Variants in BIRC6 observed in about 807,000 individuals in gnomAD.
The protein encoded by BIRC6 is dual E2 ubiquitin-conjugating enzyme/E3 ubiquitin-protein ligase BIRC6.
In BIRC6, 98 loss-of-function variants were observed where a neutral mutation model predicts 503.3. The ratio of observed to expected loss-of-function variants is 0.19; its 90% CI spans 0.17 to 0.23. The LOEUF is 0.23. Among genes scored for constraint, BIRC6 ranks in the 10% least tolerant of loss-of-function variants. The probability of loss-of-function intolerance (pLI) is 1.00; values close to 1 mark genes in which losing one functional copy is unlikely to be tolerated. For synonymous variants in BIRC6, 2,240 were observed against 2,078.7 expected, an observed-to-expected ratio of 1.08 and a Z score of -2.11; for missense variants, 5,360 against 5,806.0, an observed-to-expected ratio of 0.92 and a Z score of 2.50.
intron 9 of BIRC6, among the ~76,000 whole-genome samples, chr2:32,409,170 T>C (rs2149881368): frequency 6.6e-6 from 1 of 152,290 alleles, no homozygotes; most frequent in Non-Finnish European, 1.5e-5. Context: ...GTTTTTGTTT[T>C]TGTTTTGAGA....
intron 16 of BIRC6, among the ~76,000 whole-genome samples, chr2:32,440,027 T>C (rs2045234660): frequency 6.6e-6 from 1 of 152,112 alleles, no homozygotes; most frequent in Non-Finnish European, 1.5e-5. Flanking sequence ...CACAGGCGTG[T>C]GCCACCATGC....
In BIRC6 at chr2:32,395,601, T is replaced by C. The variant is rs776774503; in HGVS notation, c.1034+8T>C. 1 of 1,600,678 alleles carries C rather than the reference T, an allele frequency of 6.2e-7. No individual in the cohort carries two copies. On this transcript the variant is annotated splice_region_variant and intron_variant, in intron 6 of 73. Transcript: ENST00000421745. ...ACCTACTGATGAACCTTGGTGAGTC[T>C]TGATGTTTCTGGGCATAATAGGCTA...
chr2:32,431,950 GA>G (rs1452044634), intron 12 of BIRC6, among the ~76,000 whole-genome samples: 1 of 152,216 alleles, frequency 6.6e-6, no homozygotes, highest in Non-Finnish European at 1.5e-5. Context: ...GAGAGAAAAA[GA>G]GAGACAATGT....
At chr2:32,471,249 A>G (rs2049062177) in intron 32 of BIRC6, 125 bp downstream of exon 32, 1 of 1,233,928 alleles carries the variant, frequency 8.1e-7, no homozygotes, top group Admixed American at 2.7e-5. Context: ...GCTGTATGTA[A>G]TTTAAGGAAA....
Position 32,442,219 on chromosome 2 carries a change from C to T in BIRC6, c.4099C>T (p.Pro1367Ser), listed in dbSNP as rs757537988. Residue 1367 changes from proline to serine, a missense_variant, in exon 18 of 74, where the codon CCC (proline) becomes TCC (serine). Coordinates refer to ENST00000421745, the MANE Select transcript of BIRC6 (RefSeq NM_016252.4). ...CWLAGVHSNG[P>S]GSSKEGNENL... ...GTTAGCTGGAGTTCATTCAAATGGA[C>T]CCGGAAGGTTAATAATTAAAATTTT... 5.0e-6 allele frequency: 8 copies of T among 1,603,806 alleles called. No homozygotes were observed. The highest frequency in any genetic ancestry group is 3.4e-5 in the South Asian group (3 of 89,462).
At chr2:32,382,337 G>C (rs1186840328) in intron 3 of BIRC6, among the ~76,000 whole-genome samples, 1 of 152,200 alleles carries the variant, frequency 6.6e-6, no homozygotes, top group Non-Finnish European at 1.5e-5. Flanking sequence ...TATGAAACTG[G>C]ATCTCGGAAT....
At chr2:32,376,983 G>A (rs2036883628) in intron 1 of BIRC6, among the ~76,000 whole-genome samples, 1 of 152,082 alleles carries the variant, frequency 6.6e-6, no homozygotes, top group Non-Finnish European at 1.5e-5. Flanking sequence ...ATAAGGAGGG[G>A]CACTGCTGTA....
intron 33 of BIRC6, among the ~76,000 whole-genome samples, chr2:32,473,812 G>A (rs1361893981): frequency 7.1e-6 from 1 of 141,800 alleles, no homozygotes; most frequent in East Asian, 2.1e-4. Context: ...GAGTGCAGTG[G>A]AACAATCATA....
chr2:32,464,150 A>T (rs1176705369), intron 24 of BIRC6, among the ~76,000 whole-genome samples: 1 of 152,212 alleles, frequency 6.6e-6, no homozygotes, highest in East Asian at 1.9e-4. Context: ...TTTAAATGAA[A>T]TCTTTGGCAA....
intron 65 of BIRC6, among the ~76,000 whole-genome samples, chr2:32,569,631 C>T (rs1035299389): frequency 4.6e-5 from 7 of 151,634 alleles, no homozygotes; most frequent in African/African-American, 9.7e-5. Flanking sequence ...CTGGACCTCC[C>T]AAAGTGCTGT....
intron 63 of BIRC6, among the ~76,000 whole-genome samples, chr2:32,546,686 A>T (rs1289222422): frequency 6.6e-6 from 1 of 152,344 alleles, no homozygotes; most frequent in Admixed American, 6.5e-5. Flanking sequence ...ACATACTAGC[A>T]ACAGACATAA....
chr2:32,395,006 G>T (rs972738065), intron 5 of BIRC6, among the ~76,000 whole-genome samples: 12 of 152,078 alleles, frequency 7.9e-5, no homozygotes, highest in Non-Finnish European at 1.8e-4. Flanking sequence ...AAAAAAATTA[G>T]CTGGGCGTGG....
At chr2:32,543,205 G>T in intron 61 of BIRC6, 36 bp from the exon 62 acceptor site, 1 of 1,585,180 alleles carries the variant, frequency 6.3e-7, no homozygotes, top group African/African-American at 1.3e-5. Flanking sequence ...TGTTGAAAAT[G>T]TGAATGGCCA....
intron 45 of BIRC6, among the ~76,000 whole-genome samples, chr2:32,498,114 C>T (rs541945465): frequency 2.0e-5 from 3 of 152,056 alleles, no homozygotes; most frequent in Non-Finnish European, 2.9e-5. Flanking sequence ...CAGGTTGGAG[C>T]GTAGTGGTGC....
chr2:32,498,220 C>T (rs1277314255), intron 45 of BIRC6, among the ~76,000 whole-genome samples: 1 of 152,102 alleles, frequency 6.6e-6, no homozygotes, highest in East Asian at 1.9e-4. Context: ...TGCTATGCTA[C>T]TACACACGGC....
intron 53 of BIRC6, among the ~76,000 whole-genome samples, chr2:32,511,857 G>A (rs1377814333): frequency 2.6e-5 from 4 of 151,962 alleles, no homozygotes; most frequent in African/African-American, 9.7e-5. Flanking sequence ...AACATAGATT[G>A]CAATTGTTTT....
chr2:32,463,634 C>T (rs1474643102), intron 24 of BIRC6, among the ~76,000 whole-genome samples: 5 of 152,136 alleles, frequency 3.3e-5, no homozygotes, highest in South Asian at 2.1e-4. Context: ...AATCCATTCT[C>T]TACACACTCG....
At chr2:32,406,770 G>A (rs556075597) in intron 9 of BIRC6, among the ~76,000 whole-genome samples, 1 of 152,250 alleles carries the variant, frequency 6.6e-6, no homozygotes, top group African/African-American at 2.4e-5. Flanking sequence ...ACCTATTTGA[G>A]CCAAAGGAAT....
intron 47 of BIRC6, among the ~76,000 whole-genome samples, 177 bp from the exon 48 acceptor site, chr2:32,502,618 G>C (rs548662252): frequency 6.6e-6 from 1 of 152,282 alleles, no homozygotes; most frequent in East Asian, 1.9e-4. Context: ...TGAGTTCAGG[G>C]AGATGGTTTT....
Sources: allele counts gnomAD v4.1 joint callset (sites outside exome capture counted in the v4.1 genomes callset), GRCh38; gene constraint gnomAD v4.1.1; transcripts MANE v1.5; gene names NCBI Gene and HGNC (gene_info 2026-07-23, HGNC 2026-07-21).